The following CCDC7 variants were observed in gnomAD, a reference collection of about 807,000 sequenced individuals.
CCDC7 encodes coiled-coil domain-containing protein 7.
CCDC7 carries 183 observed loss-of-function variants against 196.9 expected under a neutral mutation model. The ratio of observed to expected loss-of-function variants is 0.93; its 90% confidence interval spans 0.82 to 1.05. The LOEUF is 1.05. CCDC7 is among the 50% of genes least tolerant of loss of function. The pLI is 0.00. For synonymous variants in CCDC7, 525 were observed against 484.6 expected (o/e 1.08, Z -1.10); for missense variants, 1,540 against 1,482.2 (o/e 1.04, Z -0.64).
intron 31 of CCDC7, among the ~76,000 whole-genome samples, chr10:32,818,750 T>C (rs1387850197): frequency 1.3e-5 from 2 of 152,192 alleles, no homozygotes; most frequent in African/African-American, 4.8e-5. Context: ...GAAATAAAGA[T>C]GTTCTTTGAA....
intron 5 of CCDC7, among the ~76,000 whole-genome samples, chr10:32,470,513 G>GT (rs2037738212): frequency 1.3e-5 from 2 of 152,050 alleles, no homozygotes. Context: ...GAATCTTGCT[G>GT]TTTCTTTCCA....
At chr10:32,586,902 A>G (rs2059337078) in intron 18 of CCDC7, among the ~76,000 whole-genome samples, 1 of 152,196 alleles carries the variant, frequency 6.6e-6, no homozygotes, top group Admixed American at 6.5e-5. Flanking sequence ...TACAGGAGCA[A>G]CACTCTTCTA....
intron 18 of CCDC7, among the ~76,000 whole-genome samples, chr10:32,599,003 G>T (rs1280114914): frequency 1.3e-5 from 2 of 152,148 alleles, no homozygotes; most frequent in Non-Finnish European, 2.9e-5. Context: ...ATTATTAAAA[G>T]AAGAGTATCT....
chr10:32,598,361 G>A (rs2060637827), intron 18 of CCDC7, among the ~76,000 whole-genome samples: 1 of 152,200 alleles, frequency 6.6e-6, no homozygotes, highest in African/African-American at 2.4e-5. Flanking sequence ...GAAAAGTGCA[G>A]TATCAGGGTG....
intron 8 of CCDC7, among the ~76,000 whole-genome samples, chr10:32,485,917 C>A (rs181981389): frequency 4.6e-5 from 7 of 152,220 alleles, no homozygotes; most frequent in African/African-American, 1.4e-4. Context: ...TTACTTCCAA[C>A]TATGTGGTCA....
intron 30 of CCDC7, among the ~76,000 whole-genome samples, chr10:32,813,725 A>C (rs2087695209): frequency 6.6e-6 from 1 of 152,202 alleles, no homozygotes; most frequent in South Asian, 2.1e-4. Context: ...TTCAATTTGC[A>C]TAAGAAATAG....
At chr10:32,679,815 G>A (rs1476983272) in intron 21 of CCDC7, among the ~76,000 whole-genome samples, 1 of 152,132 alleles carries the variant, frequency 6.6e-6, no homozygotes, top group Non-Finnish European at 1.5e-5. Context: ...GTTTATGCAT[G>A]GATGACAGAT....
intron 21 of CCDC7, among the ~76,000 whole-genome samples, chr10:32,678,270 C>G (rs1258367648): frequency 6.6e-6 from 1 of 152,138 alleles, no homozygotes; most frequent in Non-Finnish European, 1.5e-5. Context: ...TGAGTTATCA[C>G]CTGTGCATCA....
chr10:32,707,483 G>A (rs1260620499), intron 24 of CCDC7, among the ~76,000 whole-genome samples: 2 of 152,136 alleles, frequency 1.3e-5, no homozygotes, highest in Admixed American at 6.5e-5. Flanking sequence ...CAATCAGGCA[G>A]GAGAAGGAAA....
intron 18 of CCDC7, among the ~76,000 whole-genome samples, chr10:32,615,275 A>G (rs2138922468): frequency 6.6e-6 from 1 of 152,324 alleles, no homozygotes; most frequent in East Asian, 1.9e-4. Context: ...TAAAGGTTGT[A>G]CTAATTTACA....
Position 32,473,953 on chromosome 10 carries a change from C to T in CCDC7, c.740-14C>T. On this transcript the variant is annotated splice_polypyrimidine_tract_variant and intron_variant, in intron 7 of 41. Transcript: ENST00000639629. ...CGTTTGAAGTTTATAGTGACAAATA[C>T]ACTTTTACTTCAGAATTCTTAGAAG... is the stretch of plus-strand genomic sequence containing the variant. The T allele has an allele frequency of 1.9e-6, 3 of 1,599,942 alleles. No homozygotes were observed. The highest frequency in any genetic ancestry group is 2.6e-6 in the Non-Finnish European group (3 of 1,174,344).
rs373817065 is a variant in CCDC7, at chr10:32,665,397, A to G, written c.2122+1236A>G. On this transcript the variant is annotated intron_variant, in intron 21 of 41. Transcript: ENST00000639629. ...AAAAATCTTTGCCCAGATCAACATA[A>G]TTGAGTGTTTCCCATATTTTCTTCT... Among the ~76,000 whole-genome samples the G allele has an allele frequency of 4.1e-4, 62 of 152,122 alleles. 1 individual carries two copies. The South Asian group carries it at 0.013, about 31-fold the overall frequency.
At chr10:32,845,779 A>AC (rs2093255511) in intron 35 of CCDC7, 97 bp from the exon 37 acceptor site, 4 of 1,044,980 alleles carry the variant, frequency 3.8e-6, no homozygotes, top group Non-Finnish European at 4.4e-6. Context: ...ACACACACAC[A>AC]CACACACACA....
At chr10:32,640,789 A>T (rs1392848399) in intron 20 of CCDC7, among the ~76,000 whole-genome samples, 7 of 151,814 alleles carry the variant, frequency 4.6e-5, no homozygotes, top group Non-Finnish European at 1.0e-4. Context: ...GCTGGATATG[A>T]AATTCTGGGT....
At chr10:32,603,806 T>C (rs980208073) in intron 18 of CCDC7, among the ~76,000 whole-genome samples, 2 of 152,158 alleles carry the variant, frequency 1.3e-5, no homozygotes, top group Non-Finnish European at 2.9e-5. Flanking sequence ...GATTATTTGT[T>C]TCTTTGCTAT....
At chr10:32,844,529 A>T (rs1397930583) in intron 33 of CCDC7, among the ~76,000 whole-genome samples, 2 of 151,892 alleles carry the variant, frequency 1.3e-5, no homozygotes, top group Admixed American at 6.6e-5. Flanking sequence ...ACCTATTTTT[A>T]AAAATGTTAT....
At chr10:32,784,731 G>A (rs2081570237) in intron 29 of CCDC7, among the ~76,000 whole-genome samples, 1 of 152,012 alleles carries the variant, frequency 6.6e-6, no homozygotes, top group African/African-American at 2.4e-5. Context: ...GCTGGGCGCC[G>A]TGACTCGTGC....
At chr10:32,520,060 A>G (rs987748345) in intron 11 of CCDC7, among the ~76,000 whole-genome samples, 1 of 151,984 alleles carries the variant, frequency 6.6e-6, no homozygotes, top group Non-Finnish European at 1.5e-5. Flanking sequence ...CTCCTTTTTT[A>G]TGACTAAATA....
At chr10:32,738,371 A>G (rs1002020775) in intron 28 of CCDC7, among the ~76,000 whole-genome samples, 2 of 151,998 alleles carry the variant, frequency 1.3e-5, no homozygotes, top group Non-Finnish European at 2.9e-5. Flanking sequence ...TTTCACTTAT[A>G]TATAAGCTAT....
Sources: allele counts gnomAD v4.1 joint callset (sites outside exome capture counted in the v4.1 genomes callset), GRCh38; gene constraint gnomAD v4.1.1; transcripts MANE v1.5; gene names NCBI Gene and HGNC (gene_info 2026-07-23, HGNC 2026-07-21).